PIGU: variants seen among roughly 807,000 people sequenced by gnomAD.
The protein encoded by PIGU is phosphatidylinositol glycan anchor biosynthesis class U.
In PIGU, 24 loss-of-function variants were observed where a neutral mutation model predicts 49.9. The observed-to-expected ratio is 0.48, with a 90% confidence interval of 0.35 to 0.68. The LOEUF (loss-of-function observed/expected upper bound fraction) is 0.68, where lower values mean the gene tolerates loss of function less well. Ranked by LOEUF, PIGU falls within the 30% of genes least tolerant of loss-of-function variation. The pLI is 0.01. For missense variants in PIGU, 490 were observed against 532.6 expected (o/e 0.92, Z 0.79); for synonymous variants, 220 against 205.7 (o/e 1.07, Z -0.59).
intron 1 of PIGU, among the ~76,000 whole-genome samples, chr20:34,668,269 C>A (rs1987165260): frequency 6.6e-6 from 1 of 151,762 alleles, no homozygotes; most frequent in Non-Finnish European, 1.5e-5. Context: ...TCGATACCAG[C>A]CTGGCCAGCA....
intron 6 of PIGU, among the ~76,000 whole-genome samples, chr20:34,631,072 A>G (rs1243312810): frequency 6.6e-6 from 1 of 152,214 alleles, no homozygotes; most frequent in Non-Finnish European, 1.5e-5. Context: ...GCTTGGAACA[A>G]ATAGAAACTG....
intron 6 of PIGU, among the ~76,000 whole-genome samples, chr20:34,633,451 AGACCCCGTCT>A (rs1401061437): frequency 6.6e-6 from 1 of 152,134 alleles, no homozygotes; most frequent in African/African-American, 2.4e-5. Context: ...TGACAGAGTG[AGACCCCGTCT>A]CAAAAACAAA....
intron 10 of PIGU, 52 bp downstream of exon 10, chr20:34,581,496 C>T: frequency 6.2e-7 from 1 of 1,605,058 alleles, no homozygotes; most frequent in Middle Eastern, 2.0e-4. Context: ...CTGCAGCAGT[C>T]TCATCCAGGC....
At chr20:34,586,466 T>C (rs1195318610) in intron 8 of PIGU, among the ~76,000 whole-genome samples, 2 of 152,152 alleles carry the variant, frequency 1.3e-5, no homozygotes, top group Non-Finnish European at 2.9e-5. Context: ...AGGCAGAGCA[T>C]GAAGAGCTGA....
At chr20:34,609,893 G>A (rs888629269) in intron 7 of PIGU, among the ~76,000 whole-genome samples, 7 of 152,154 alleles carry the variant, frequency 4.6e-5, no homozygotes, top group Non-Finnish European at 1.0e-4. Flanking sequence ...TCTCCTGATA[G>A]TGAGTGAGTT....
At chr20:34,621,502 A>C (rs1454005237) in intron 6 of PIGU, among the ~76,000 whole-genome samples, 1 of 152,176 alleles carries the variant, frequency 6.6e-6, no homozygotes, top group African/African-American at 2.4e-5. Context: ...TGCAACAGTC[A>C]GTAGGTTGGT....
intron 7 of PIGU, among the ~76,000 whole-genome samples, chr20:34,596,556 T>C (rs1362048593): frequency 6.6e-6 from 1 of 152,156 alleles, no homozygotes; most frequent in African/African-American, 2.4e-5. Context: ...TTTCCGTAGG[T>C]CTAAAATTAA....
At chr20:34,594,568 G>A (rs1216003827) in intron 7 of PIGU, among the ~76,000 whole-genome samples, 1 of 152,222 alleles carries the variant, frequency 6.6e-6, no homozygotes, top group East Asian at 1.9e-4. Flanking sequence ...GAGGTCAGCA[G>A]TTCGAGACCA....
chr20:34,581,630 G>A lies in PIGU; in HGVS notation c.969C>T (p.Ile323=), dbSNP rs746191866. The change falls in exon 10 of 12, where the codon ATC becomes ATT. Residue 323 remains isoleucine, a synonymous_variant. Coordinates refer to ENST00000217446, the MANE Select transcript of PIGU (RefSeq NM_080476.5). ...IFFMFIQIAV[I]AIFKSYPTVG... The stretch of plus-strand genomic sequence containing the variant: ...CTGTCGGGTAGGACTTAAAGATGGC[G>A]ATGACAGCGATCTGGATAAACATGA... 1.2e-6 allele frequency: 2 copies of A among 1,613,984 alleles called. No individual in the cohort carries two copies. Among genetic ancestry groups the A allele is most frequent in the East Asian group, 2.2e-5 (1 of 44,882 alleles).
chr20:34,634,505 G>C (rs1438139437), intron 6 of PIGU, 110 bp downstream of exon 6: 21 of 1,362,842 alleles, frequency 1.5e-5, no homozygotes, highest in Non-Finnish European at 1.7e-5. Context: ...TTTTAAAAAT[G>C]TTTTTAAGTG....
At chr20:34,631,725 A>G (rs1329843039) in intron 6 of PIGU, among the ~76,000 whole-genome samples, 4 of 646 alleles carry the variant, frequency 6.2e-3, no homozygotes, top group Admixed American at 0.014. Flanking sequence ...GGCTAACCAT[A>G]TATATATATA....
At chr20:34,578,738 T>G (rs941006122) in intron 10 of PIGU, among the ~76,000 whole-genome samples, 5 of 152,212 alleles carry the variant, frequency 3.3e-5, no homozygotes, top group African/African-American at 1.2e-4. Flanking sequence ...TCTTGCTGGC[T>G]GACAGGCCAG....
At chr20:34,592,807 T>C (rs905909946) in intron 7 of PIGU, among the ~76,000 whole-genome samples, 10 of 152,158 alleles carry the variant, frequency 6.6e-5, no homozygotes, top group African/African-American at 2.4e-4. Context: ...CATGGTTATA[T>C]AAAGAATGCC....
chr20:34,625,712 CAA>C (rs536868098), intron 6 of PIGU, among the ~76,000 whole-genome samples: 15 of 84,246 alleles, frequency 1.8e-4, no homozygotes, highest in Admixed American at 2.8e-4. Context: ...GACTCTGTCT[CAA>C]AAAAAAAAAA....
chr20:34,662,889 A>G (rs1986971508), intron 1 of PIGU, among the ~76,000 whole-genome samples: 1 of 152,128 alleles, frequency 6.6e-6, no homozygotes, highest in Non-Finnish European at 1.5e-5. Flanking sequence ...ATTATTTTAC[A>G]ATTATTCAAA....
At chr20:34,634,533 C>T in intron 6 of PIGU, 82 bp downstream of exon 6, 1 of 1,339,564 alleles carries the variant, frequency 7.5e-7, no homozygotes. Flanking sequence ...AAAAAAAAAA[C>T]AAAACAAAAC....
chr20:34,641,326 C>T (rs1004276501), intron 4 of PIGU, among the ~76,000 whole-genome samples: 1 of 152,206 alleles, frequency 6.6e-6, no homozygotes, highest in African/African-American at 2.4e-5. Context: ...CTACTCCTCT[C>T]CAACTGTTAG....
intron 9 of PIGU, 130 bp downstream of exon 9, chr20:34,585,307 G>C (rs934129261): frequency 1.5e-5 from 17 of 1,142,276 alleles, no homozygotes; most frequent in Non-Finnish European, 2.1e-5. Context: ...CTGAAGGCAG[G>C]TTCCTTAGGT....
In PIGU at chr20:34,577,716, A is replaced by AAAAC. The variant is rs531660705; in HGVS notation, c.1052-2474_1052-2471dup. On this transcript the variant is annotated intron_variant, in intron 10 of 11. Coordinates refer to ENST00000217446, the MANE Select transcript of PIGU (RefSeq NM_080476.5). ...GAGCAACAGAGCAAGACTCTGTCTC[A>AAAAC]AAACAAACAAACAAACAAACAAACA... is the stretch of plus-strand genomic sequence containing the variant. Among the ~76,000 whole-genome samples, 314 of 152,274 alleles carry AAAAC rather than the reference A, an allele frequency of 2.1e-3. 3 individuals carry two copies. The highest frequency in any genetic ancestry group is 0.016 in the East Asian group (81 of 5,186).
Sources: allele counts gnomAD v4.1 joint callset (sites outside exome capture counted in the v4.1 genomes callset), GRCh38; gene constraint gnomAD v4.1.1; transcripts MANE v1.5; gene names NCBI Gene and HGNC (gene_info 2026-07-23, HGNC 2026-07-21).